SPTBN4: variants seen among roughly 807,000 people sequenced by gnomAD.
The protein encoded by SPTBN4 is spectrin beta chain, non-erythrocytic 4.
SPTBN4 carries 96 observed loss-of-function variants against 277.8 expected under a neutral mutation model. The ratio of observed to expected loss-of-function variants is 0.35; its 90% CI spans 0.29 to 0.41. The LOEUF (loss-of-function observed/expected upper bound fraction) is 0.41. SPTBN4 is among the 10% of genes least tolerant of loss of function. The pLI, the probability that SPTBN4 is intolerant of heterozygous loss-of-function variation, is 1.00. For missense variants in SPTBN4, 3,006 were observed against 3,595.7 expected (o/e 0.84, Z 4.19); for synonymous variants, 1,481 against 1,580.3 (o/e 0.94, Z 1.49).
chr19:40,574,767 C>T (rs111613270), intron 35 of SPTBN4, among the ~76,000 whole-genome samples: 1,647 of 152,162 alleles, frequency 0.011, 17 homozygotes, highest in Admixed American at 0.015. Flanking sequence ...GTAATTCCAG[C>T]ACTTTGGGAG....
Position 40,490,260 on chromosome 19 carries a change from G to A in SPTBN4, c.495+12G>A. On this transcript the variant is annotated intron_variant, in intron 4 of 35. Transcript: ENST00000598249. The surrounding 1 kb of genome is among the most constrained non-coding windows in gnomAD (Gnocchi z 4.3). Reference sequence around the variant, plus strand: ...TCCTGCGCTTCCAGGTGACCCTCGAGTGGCCCCTGCCAAGCCCCGCAACAT... The same window carrying A: ...TCCTGCGCTTCCAGGTGACCCTCGAATGGCCCCTGCCAAGCCCCGCAACAT... 2 of 1,610,624 alleles carry A rather than the reference G, an allele frequency of 1.2e-6. No individual in the cohort carries two copies. The highest frequency in any genetic ancestry group is 1.7e-6 in the Non-Finnish European group (2 of 1,177,854).
chr19:40,551,909 G>A (rs2080921534), intron 22 of SPTBN4, among the ~76,000 whole-genome samples: 1 of 151,516 alleles, frequency 6.6e-6, no homozygotes, highest in African/African-American at 2.4e-5. Flanking sequence ...CAGGAGAATT[G>A]CTTGAACCCA....
chr19:40,520,853 A>C (rs1231190152), intron 16 of SPTBN4, among the ~76,000 whole-genome samples: 1 of 152,040 alleles, frequency 6.6e-6, no homozygotes, highest in African/African-American at 2.4e-5. Context: ...CATGTTAGAA[A>C]GGGTGCCTGC....
intron 15 of SPTBN4, among the ~76,000 whole-genome samples, chr19:40,518,297 C>A (rs2080483292): frequency 6.6e-6 from 1 of 152,044 alleles, no homozygotes; most frequent in Admixed American, 6.6e-5. Flanking sequence ...CAGAGCAAGA[C>A]TCTGTCTAAA....
chr19:40,539,018 C>T (rs1347995107), intron 20 of SPTBN4, among the ~76,000 whole-genome samples: 1 of 152,214 alleles, frequency 6.6e-6, no homozygotes, highest in Non-Finnish European at 1.5e-5. Flanking sequence ...CAGGTCAGTC[C>T]TGCACAGGGC....
Position 40,506,251 on chromosome 19 carries a change from C to T in SPTBN4, c.1681C>T (p.Arg561Trp), listed in dbSNP as rs147689079. The change falls in exon 13 of 36, where the codon CGG becomes TGG. Residue 561 changes from arginine to tryptophan, a missense_variant. Physicochemically the swap from Arg to Trp is moderately radical, Grantham distance 101 (BLOSUM62 -3). Around this residue, in one of 5 missense-constraint regions of SPTBN4, gnomAD observed 1,759 missense variants for 2,061.5 expected, o/e 0.85. Coordinates refer to ENST00000598249, the MANE Select transcript of SPTBN4 (RefSeq NM_020971.3). ...CCGCTTGTAGGCTCAGCTGCTGTCC[C>T]GGGAGTGTGGGCAGCACCTGGTGGA... ...MEEMQAQLLS[R>W]ECGQHLVEAD... is the part of the protein sequence containing the mutation. The T allele has an allele frequency of 4.5e-5, 72 of 1,612,722 alleles. No individual in the cohort carries two copies. The highest frequency in any genetic ancestry group is 1.7e-4 in the Middle Eastern group (1 of 6,034).
Position 40,512,684 on chromosome 19 carries a change from A to G in SPTBN4, c.1895A>G (p.Gln632Arg). The G allele has an allele frequency of 6.5e-7, 1 of 1,531,008 alleles. No homozygotes were observed. The highest frequency in any genetic ancestry group is 8.7e-7 in the Non-Finnish European group (1 of 1,145,730). 94.8% of individuals were successfully genotyped at this position (1,531,008 alleles called of 1,614,324 possible). The stretch of plus-strand genomic sequence containing the variant: ...GGCTGCCTGGCGGAGCTGCAGGAGC[A>G]GGCAGCGCGGCGACGCGCGGAGCTG... Reference protein sequence around the residue: ...VHGCLAELQEQAARRRAELEA... With the variant: ...VHGCLAELQERAARRRAELEA... Residue 632 changes from glutamine (Q) to arginine (R), a missense_variant, in exon 14 of 36, where the codon CAG becomes CGG. Gln to Arg is a conservative substitution (Grantham distance 43, BLOSUM62 1). This residue lies in a region of SPTBN4 where 1,759 missense variants were observed against 2,061.5 expected (regional missense o/e 0.85). Coordinates refer to ENST00000598249, the MANE Select transcript of SPTBN4 (RefSeq NM_020971.3).
chr19:40,472,532 G>C (rs2079896603), intron 1 of SPTBN4, 75 bp from the exon 2 acceptor site: 9 of 1,342,792 alleles, frequency 6.7e-6, no homozygotes, highest in Non-Finnish European at 9.1e-6. Context: ...ACAAGAGAGG[G>C]GACAGGACTC....
chr19:40,487,517 T>C (rs182039298), intron 2 of SPTBN4, among the ~76,000 whole-genome samples, 180 bp from the exon 3 acceptor site: 47 of 152,198 alleles, frequency 3.1e-4, no homozygotes, highest in African/African-American at 1.1e-3. Context: ...GGCTGCTTTT[T>C]GTATTTTTAG....
chr19:40,533,428 A>G (rs1029272228), intron 19 of SPTBN4, among the ~76,000 whole-genome samples: 1 of 152,098 alleles, frequency 6.6e-6, no homozygotes, highest in African/African-American at 2.4e-5. Context: ...GGAGGGACTG[A>G]GGTAGATATT....
Position 40,513,265 on chromosome 19 carries a change from C to A in SPTBN4, c.2476C>A (p.Arg826Ser). The A allele has an allele frequency of 6.5e-7, 1 of 1,529,538 alleles. No individual in the cohort carries two copies. Among genetic ancestry groups the A allele is most frequent in the Non-Finnish European group, 8.7e-7 (1 of 1,143,706 alleles). The allele number at this position is 1,529,538 out of a possible 1,614,324, so 94.7% of individuals were successfully genotyped here. A position where few individuals can be genotyped will look rare whatever the true frequency, so the allele number is the denominator to read the frequency against. The change falls in exon 14 of 36, where the codon CGC becomes AGC. Residue 826 changes from arginine (R) to serine (S), a missense_variant. Transcript: ENST00000598249. Reference sequence around the variant, plus strand: ...GCTCACCGGGGAGGTGGAGGCACATCGCGGGCCCGTGAGCGGCCTGCGGCG... The same window carrying A: ...GCTCACCGGGGAGGTGGAGGCACATAGCGGGCCCGTGAGCGGCCTGCGGCG... Reference protein sequence around the residue: ...RALTGEVEAHRGPVSGLRRQL... With the variant: ...RALTGEVEAHSGPVSGLRRQL...
chr19:40,519,994 C>A lies in SPTBN4; in HGVS notation c.3497C>A (p.Pro1166Gln), dbSNP rs1599759577. The change falls in exon 16 of 36, where the codon CCG becomes CAG. Residue 1166 changes from proline to glutamine, a missense_variant. Transcript: ENST00000598249. This position sits in a 1 kb window ranked among gnomAD's most constrained non-coding sequence, Gnocchi z 5.7. ...GCCGCCGACGGCGCAGAGCTGGGCC[C>A]GGGCCTGGCACTAGACGAGTGGCTG... is the stretch of plus-strand genomic sequence containing the variant. ...LLAADGAELG[P>Q]GLALDEWLPH... 6.4e-7 allele frequency: 1 copy of A among 1,560,762 alleles called. No homozygotes were observed. The highest frequency in any genetic ancestry group is 8.6e-7 in the Non-Finnish European group (1 of 1,158,622).
chr19:40,519,428 A>G lies in SPTBN4; in HGVS notation c.2931A>G (p.Glu977=), dbSNP rs370062831. 1.6e-5 allele frequency: 26 copies of G among 1,590,490 alleles called. No homozygotes were observed. The highest frequency in any genetic ancestry group is 2.1e-5 in the Non-Finnish European group (25 of 1,170,876). The part of the protein sequence containing the change: ...SRWNRIVELV[E]QRKEEMSAVL... ...GGAACCGCATCGTGGAGCTAGTGGA[A>G]CAGCGCAAAGAGGAAATGAGCGCGG... The change falls in exon 16 of 36, where the codon GAA becomes GAG. Residue 977 remains glutamate, a synonymous_variant. Coordinates refer to ENST00000598249, the MANE Select transcript of SPTBN4 (RefSeq NM_020971.3). The surrounding 1 kb of genome is among the most constrained non-coding windows in gnomAD (Gnocchi z 5.7).
chr19:40,557,246 A>G lies in SPTBN4; in HGVS notation c.5513A>G (p.Lys1838Arg). Residue 1838 changes from lysine to arginine, a missense_variant, in exon 26 of 36, where the codon AAG becomes AGG. By Grantham distance (26) the Lys-to-Arg change is conservative. Coordinates refer to ENST00000598249, the MANE Select transcript of SPTBN4 (RefSeq NM_020971.3). ...QLLAASRELHKFFSDARELQG... is the reference protein window; with the variant it reads ...QLLAASRELHRFFSDARELQG... Reference sequence around the variant, plus strand: ...CTGGCCGCCTCTCGGGAGCTTCATAAGTTCTTCAGTGACGCCCGAGAGCTT... The same window carrying G: ...CTGGCCGCCTCTCGGGAGCTTCATAGGTTCTTCAGTGACGCCCGAGAGCTT... 1 of 1,613,336 alleles carries G rather than the reference A, an allele frequency of 6.2e-7. No homozygotes were observed.
chr19:40,487,934 A>C, intron 3 of SPTBN4, 86 bp downstream of exon 3: 1 of 1,427,252 alleles, frequency 7.0e-7, no homozygotes, highest in Non-Finnish European at 9.3e-7. Context: ...CTGAACTGCA[A>C]GCAGGGGCCT....
At position 40,554,352 on chromosome 19, in the gene SPTBN4, A is replaced by T. The variant is rs1264183360; in HGVS notation, c.4880A>T (p.Tyr1627Phe). The T allele has an allele frequency of 6.3e-7, 1 of 1,579,372 alleles. No homozygotes were observed. Among genetic ancestry groups the T allele is most frequent in the South Asian group, 1.1e-5 (1 of 87,296 alleles). The change falls in exon 23 of 36, where the codon TAC (tyrosine) becomes TTC (phenylalanine). Residue 1627 changes from tyrosine (Y) to phenylalanine (F), a missense_variant. Around this residue, in one of 5 missense-constraint regions of SPTBN4, gnomAD observed 1,759 missense variants for 2,061.5 expected, o/e 0.85. Transcript: ENST00000598249. This position sits in a 1 kb window ranked among gnomAD's most constrained non-coding sequence, Gnocchi z 5.7. ...LDAAFQVEQY[Y>F]FDVAEVEAWL... The stretch of plus-strand genomic sequence containing the variant: ...GCCGCCTTCCAGGTGGAGCAGTACT[A>T]CTTCGACGTGGCTGAGGTGGAGGCG...
In SPTBN4 at chr19:40,569,648, A is replaced by T. The variant is rs1167015509; in HGVS notation, c.6957-9A>T. Reference sequence around the variant, plus strand: ...GTTTCACTGGGTCTTTCTGTCCCCCATCCCCCAGGAAGGCCACCCTGGCTG... The same window carrying T: ...GTTTCACTGGGTCTTTCTGTCCCCCTTCCCCCAGGAAGGCCACCCTGGCTG... On this transcript the variant is annotated splice_polypyrimidine_tract_variant and intron_variant, in intron 31 of 35. Coordinates refer to ENST00000598249, the MANE Select transcript of SPTBN4 (RefSeq NM_020971.3). 1 of 1,612,346 alleles carries T rather than the reference A, an allele frequency of 6.2e-7. No individual in the cohort carries two copies. The highest frequency in any genetic ancestry group is 8.5e-7 in the Non-Finnish European group (1 of 1,179,372).
At position 40,529,145 on chromosome 19, in the gene SPTBN4, G is replaced by C; in HGVS notation, c.3948+14G>C. On this transcript the variant is annotated intron_variant, in intron 18 of 35. Transcript: ENST00000598249. ...GACTGCCACGAGGTAGGAACTCCAG[G>C]TGTGCTGGGGACGGAGACATCCCCT... 6.2e-7 allele frequency: 1 copy of C among 1,611,526 alleles called. No homozygotes were observed. Among genetic ancestry groups the C allele is most frequent in the Non-Finnish European group, 8.5e-7 (1 of 1,177,712 alleles).
intron 12 of SPTBN4, among the ~76,000 whole-genome samples, chr19:40,504,538 G>A (rs1200618757): frequency 1.3e-5 from 2 of 151,882 alleles, no homozygotes; most frequent in African/African-American, 2.4e-5. Flanking sequence ...GCGTAGTGGC[G>A]GGCGCCTGTA....
Sources: allele counts gnomAD v4.1 joint callset (sites outside exome capture counted in the v4.1 genomes callset), GRCh38; gene constraint gnomAD v4.1.1; regional missense constraint gnomAD v4.1.1; non-coding constraint Gnocchi (gnomAD v3.1); transcripts MANE v1.5; gene names NCBI Gene and HGNC (gene_info 2026-07-23, HGNC 2026-07-21).